The following LRRC4C variants were observed in gnomAD, a reference collection of about 807,000 sequenced individuals.
The protein encoded by LRRC4C is leucine rich repeat containing 4C.
Under a neutral mutation model 33.6 loss-of-function variants are expected in LRRC4C, and 5 were observed. The observed-to-expected ratio is 0.15, with a 90% CI of 0.08 to 0.31. The LOEUF is 0.31. Ranked by LOEUF, LRRC4C falls within the 10% of genes least tolerant of loss-of-function variation. The pLI is 1.00. For missense variants in LRRC4C, 560 were observed against 796.7 expected (o/e 0.70, Z 3.58); for synonymous variants, 329 against 302.0 (o/e 1.09, Z -0.93).
intron 1 of LRRC4C, among the ~76,000 whole-genome samples, chr11:41,410,169 T>G (rs1294367021): frequency 1.3e-5 from 2 of 152,186 alleles, no homozygotes; most frequent in African/African-American, 4.8e-5. Flanking sequence ...GGGCTGGAGA[T>G]GCCAGATCCA....
chr11:41,179,339 A>T (rs1945343617), intron 1 of LRRC4C, among the ~76,000 whole-genome samples: 1 of 152,162 alleles, frequency 6.6e-6, no homozygotes, highest in African/African-American at 2.4e-5. Context: ...TTAGAAACTG[A>T]GGATGGATAG....
intron 4 of LRRC4C, among the ~76,000 whole-genome samples, chr11:40,248,909 C>T (rs1866550229): frequency 1.3e-5 from 2 of 151,878 alleles, no homozygotes; most frequent in South Asian, 4.2e-4. Context: ...TAAAACTGTC[C>T]CTAGTTGAAG....
intron 1 of LRRC4C, among the ~76,000 whole-genome samples, chr11:41,210,888 G>A (rs1946795825): frequency 1.3e-5 from 2 of 152,156 alleles, no homozygotes; most frequent in South Asian, 4.1e-4. Context: ...GGATAAAACT[G>A]CTTCACCTCA....
chr11:41,142,910 G>A (rs1051564153), intron 1 of LRRC4C, among the ~76,000 whole-genome samples: 5 of 152,230 alleles, frequency 3.3e-5, no homozygotes, highest in Middle Eastern at 3.4e-3. Flanking sequence ...AACAGTGTTC[G>A]TGTCATTCTT....
chr11:41,295,599 A>ATT (rs55977602), intron 1 of LRRC4C, among the ~76,000 whole-genome samples: 39 of 146,508 alleles, frequency 2.7e-4, no homozygotes, highest in Admixed American at 6.1e-4. Flanking sequence ...GGCAACAAAC[A>ATT]TTTTTTTTTT....
At chr11:40,650,366 A>C (rs182148693) in intron 2 of LRRC4C, among the ~76,000 whole-genome samples, 97 of 152,294 alleles carry the variant, frequency 6.4e-4, no homozygotes, top group African/African-American at 2.2e-3. Flanking sequence ...CATCTGAAAA[A>C]GGGCCAGTCA....
chr11:40,617,845 C>T (rs1236941496), intron 3 of LRRC4C, among the ~76,000 whole-genome samples: 1 of 151,642 alleles, frequency 6.6e-6, no homozygotes, highest in African/African-American at 2.4e-5. Context: ...ATTTGAAAGA[C>T]AAATGTTAGT....
chr11:41,431,666 C>T (rs1050418562), intron 1 of LRRC4C, among the ~76,000 whole-genome samples: 3 of 151,840 alleles, frequency 2.0e-5, no homozygotes, highest in Admixed American at 6.6e-5. Flanking sequence ...CGTACACACA[C>T]GCACACACAT....
In LRRC4C at chr11:40,200,319, G is replaced by A. The variant is rs527443495; in HGVS notation, c.-96+41200C>T. Among the ~76,000 whole-genome samples the A allele has an allele frequency of 3.6e-4, 55 of 151,314 alleles. No homozygotes were observed. In the East Asian group the frequency reaches 9.8e-3, roughly 27 times the overall value. On this transcript the variant is annotated intron_variant, in intron 5 of 6. Coordinates refer to ENST00000528697, the MANE Select transcript of LRRC4C (RefSeq NM_001258419.2). ...GTGGAGGTTGCAGTGAGCCGAGATC[G>A]CGCCACTGCACTCCAGCCTGGGCGA... is the stretch of plus-strand genomic sequence containing the variant.
intron 3 of LRRC4C, among the ~76,000 whole-genome samples, chr11:40,630,258 A>C (rs967255841): frequency 1.3e-5 from 2 of 152,064 alleles, no homozygotes; most frequent in Non-Finnish European, 2.9e-5. Flanking sequence ...CAATACACTA[A>C]GACCAGATAT....
chr11:41,458,699 A>G (rs1323018959), intron 1 of LRRC4C, among the ~76,000 whole-genome samples: 1 of 151,830 alleles, frequency 6.6e-6, no homozygotes, highest in African/African-American at 2.4e-5. Context: ...TTTCAAGCAC[A>G]TTCCCTTCTC....
intron 1 of LRRC4C, among the ~76,000 whole-genome samples, chr11:41,103,156 G>A (rs1941298481): frequency 6.6e-6 from 1 of 151,402 alleles, no homozygotes; most frequent in Non-Finnish European, 1.5e-5. Flanking sequence ...TTTTCTTTTT[G>A]TTTATTATAT....
intron 2 of LRRC4C, among the ~76,000 whole-genome samples, chr11:40,913,626 C>T (rs1251760608): frequency 6.6e-6 from 1 of 152,046 alleles, no homozygotes; most frequent in Non-Finnish European, 1.5e-5. Context: ...CCTAACATCA[C>T]TATTAAAGGA....
chr11:40,887,883 T>C (rs991815329), intron 2 of LRRC4C, among the ~76,000 whole-genome samples: 2 of 151,998 alleles, frequency 1.3e-5, no homozygotes, highest in Non-Finnish European at 2.9e-5. Flanking sequence ...AGAAAATTAA[T>C]TAACATTATA....
chr11:40,394,952 A>G (rs1439450066), intron 3 of LRRC4C, among the ~76,000 whole-genome samples: 1 of 152,170 alleles, frequency 6.6e-6, no homozygotes, highest in Non-Finnish European at 1.5e-5. Context: ...TTTACCAATT[A>G]TCCAACTATT....
chr11:41,284,541 G>C (rs576489853), intron 1 of LRRC4C, among the ~76,000 whole-genome samples: 3 of 152,054 alleles, frequency 2.0e-5, no homozygotes, highest in South Asian at 2.1e-4. Flanking sequence ...TACCACTGAC[G>C]TCCACTGACA....
chr11:40,620,515 T>C (rs1297479224), intron 3 of LRRC4C, among the ~76,000 whole-genome samples: 1 of 151,758 alleles, frequency 6.6e-6, no homozygotes, highest in Non-Finnish European at 1.5e-5. Context: ...CTGGGATAAT[T>C]GAGAAAGAGT....
intron 3 of LRRC4C, among the ~76,000 whole-genome samples, chr11:40,360,249 T>C (rs114328177): frequency 1.3e-3 from 200 of 152,238 alleles, no homozygotes; most frequent in African/African-American, 4.7e-3. Context: ...TCTCCTTGAG[T>C]TTAGAAGACA....
chr11:40,374,836 G>A (rs974057775), intron 3 of LRRC4C, among the ~76,000 whole-genome samples: 1 of 151,960 alleles, frequency 6.6e-6, no homozygotes, highest in African/African-American at 2.4e-5. Context: ...TTTTAATGAA[G>A]GGGAAAAAAT....
Sources: gnomAD v4.1 joint callset for allele counts (sites outside exome capture counted in the v4.1 genomes callset) on GRCh38, gnomAD v4.1.1 for gene constraint, MANE v1.5 for transcripts, NCBI Gene and HGNC (gene_info 2026-07-23, HGNC 2026-07-21) for gene names.